Variants in EPHA7 observed in about 807,000 individuals in gnomAD.
EPHA7 encodes EPH receptor A7, also known as ephrin type-A receptor 7.
EPHA7 carries 25 observed loss-of-function variants against 112.6 expected under a neutral mutation model. That is an observed-to-expected ratio of 0.22 (90% CI 0.16 to 0.31). EPHA7 has a LOEUF of 0.31. Ranked by LOEUF, EPHA7 falls within the 10% of genes least tolerant of loss-of-function variation. EPHA7 has a pLI of 1.00. For synonymous variants in EPHA7, 437 were observed against 406.5 expected, an observed-to-expected ratio of 1.07 and a Z score of -0.90; for missense variants, 962 against 1,212.6, an observed-to-expected ratio of 0.79 and a Z score of 3.07.
rs1232627325 is a variant in EPHA7, at chr6:93,410,938, T to A, written c.395A>T (p.Tyr132Phe). The A allele has an allele frequency of 1.9e-6, 3 of 1,614,012 alleles. No individual in the cohort carries two copies. The South Asian group carries it at 3.3e-5, about 18-fold the overall frequency. Residue 132 changes from tyrosine (Y) to phenylalanine (F), a missense_variant, in exon 3 of 17, where the codon TAT becomes TTT. Around this residue, in one of 3 missense-constraint regions of EPHA7, gnomAD observed 160 missense variants for 263.6 expected, o/e 0.61. Transcript: ENST00000369303. The surrounding 1 kb of genome is among the most constrained non-coding windows in gnomAD (Gnocchi z 4.0). ...TFNLYYYETD[Y>F]DTGRNIRENL... ...TTCTCTTATATTCCTGCCAGTGTCA[T>A]AGTCTGTTTCATAATAGTACAAATT...
At chr6:93,248,138 CA>C (rs1770043644) in intron 14 of EPHA7, among the ~76,000 whole-genome samples, 1 of 151,722 alleles carries the variant, frequency 6.6e-6, no homozygotes, top group Non-Finnish European at 1.5e-5. Context: ...TTTGAATTTT[CA>C]AAGAAAATAA....
intron 3 of EPHA7, among the ~76,000 whole-genome samples, chr6:93,365,269 G>A (rs1163261173): frequency 6.6e-6 from 1 of 152,170 alleles, no homozygotes; most frequent in Admixed American, 6.5e-5. Flanking sequence ...TAAGTAGATT[G>A]TTCTGTAATT....
chr6:93,395,814 G>A (rs1029909700), intron 3 of EPHA7, among the ~76,000 whole-genome samples: 1 of 151,834 alleles, frequency 6.6e-6, no homozygotes, highest in African/African-American at 2.4e-5. Flanking sequence ...TGAAGAAGAT[G>A]GATGATCCTC....
At chr6:93,338,278 C>A (rs1364876226) in intron 5 of EPHA7, among the ~76,000 whole-genome samples, 13 of 152,048 alleles carry the variant, frequency 8.5e-5, no homozygotes. Context: ...CTTCAGCTTC[C>A]TAATTCTTGC....
intron 5 of EPHA7, among the ~76,000 whole-genome samples, chr6:93,316,496 G>A (rs1165879679): frequency 6.6e-6 from 1 of 152,000 alleles, no homozygotes; most frequent in Non-Finnish European, 1.5e-5. Flanking sequence ...ATTACATACT[G>A]CAATTATAGA....
At chr6:93,399,154 C>T (rs920702106) in intron 3 of EPHA7, among the ~76,000 whole-genome samples, 1 of 152,044 alleles carries the variant, frequency 6.6e-6, no homozygotes, top group African/African-American at 2.4e-5. Context: ...TCTGCTCCTG[C>T]ACAAATCTTC....
intron 14 of EPHA7, among the ~76,000 whole-genome samples, chr6:93,247,438 T>C (rs1321051158): frequency 6.6e-6 from 1 of 152,226 alleles, no homozygotes; most frequent in African/African-American, 2.4e-5. Context: ...ATGAATGTAC[T>C]ATGACAGAAA....
At chr6:93,416,327 TTTTTA>T (rs1218924462) in intron 1 of EPHA7, among the ~76,000 whole-genome samples, 1 of 152,200 alleles carries the variant, frequency 6.6e-6, no homozygotes, top group Non-Finnish European at 1.5e-5. Context: ...GCTTTCTTAA[TTTTTA>T]TTTTATTTTT....
chr6:93,254,869 AC>A, intron 13 of EPHA7, 73 bp from the exon 14 acceptor site: 5 of 1,288,242 alleles, frequency 3.9e-6, no homozygotes, highest in Non-Finnish European at 5.3e-6. Context: ...TACCATAAAT[AC>A]ATATGTGCAT....
At chr6:93,414,965 C>G (rs1453397355) in intron 1 of EPHA7, among the ~76,000 whole-genome samples, 198 bp from the exon 2 acceptor site, 1 of 151,848 alleles carries the variant, frequency 6.6e-6, no homozygotes. Context: ...GATATTAAGA[C>G]ACCAATATTA....
Position 93,364,249 on chromosome 6 carries a change from C to A in EPHA7, c.833-5838G>T, listed in dbSNP as rs1776395202. On this transcript the variant is annotated intron_variant, in intron 3 of 16. Coordinates refer to ENST00000369303, the MANE Select transcript of EPHA7 (RefSeq NM_004440.4). ...CATTATAAAATCCATCAGGGCCGGG[C>A]ACGGTGGCTCATGCCTGTAATCCCA... Among the ~76,000 whole-genome samples the A allele has an allele frequency of 2.6e-5, 4 of 152,076 alleles. No homozygotes were observed. In the South Asian group the frequency reaches 8.3e-4, roughly 32 times the overall value.
chr6:93,299,786 T>C (rs1772877367), intron 5 of EPHA7, among the ~76,000 whole-genome samples: 1 of 152,224 alleles, frequency 6.6e-6, no homozygotes, highest in African/African-American at 2.4e-5. Context: ...TGGAATACTA[T>C]GCAGCCGTAA....
At chr6:93,384,214 T>C (rs1480198783) in intron 3 of EPHA7, among the ~76,000 whole-genome samples, 2 of 152,140 alleles carry the variant, frequency 1.3e-5, no homozygotes, top group Non-Finnish European at 2.9e-5. Context: ...AAACACTAGT[T>C]CTACCTCCAT....
chr6:93,268,500 T>C (rs935978902), intron 7 of EPHA7, among the ~76,000 whole-genome samples: 1 of 151,806 alleles, frequency 6.6e-6, no homozygotes, highest in Non-Finnish European at 1.5e-5. Flanking sequence ...AGTCATATAA[T>C]ATTTTCCAAC....
rs1770489089 is a variant in EPHA7, at chr6:93,257,465, G to A, written c.2169C>T (p.Leu723=). ...FMENGALDAF[L]RKHDGQFTVI... ...AGTGGATCACTTTGGTACTTACCCT[G>A]AGAAATGCATCTAGGGCTCCATTTT... Residue 723 remains leucine, a synonymous_variant, in exon 12 of 17, where the codon CTC becomes CTT. Coordinates refer to ENST00000369303, the MANE Select transcript of EPHA7 (RefSeq NM_004440.4). 9 of 1,607,622 alleles carry A rather than the reference G, an allele frequency of 5.6e-6. No individual in the cohort carries two copies. The highest frequency in any genetic ancestry group is 1.7e-4 in the Middle Eastern group (1 of 5,942).
At chr6:93,305,598 C>G (rs925065965) in intron 5 of EPHA7, among the ~76,000 whole-genome samples, 1 of 151,806 alleles carries the variant, frequency 6.6e-6, no homozygotes, top group Non-Finnish European at 1.5e-5. Context: ...CTGAGTGTGG[C>G]TTTCTTTTTC....
chr6:93,333,953 T>A (rs1007266319), intron 5 of EPHA7, among the ~76,000 whole-genome samples: 23 of 151,922 alleles, frequency 1.5e-4, no homozygotes, highest in Admixed American at 1.4e-3. Flanking sequence ...CATTTCAAAA[T>A]TCATATGAAC....
At chr6:93,367,658 T>C (rs555354472) in intron 3 of EPHA7, among the ~76,000 whole-genome samples, 17 of 152,238 alleles carry the variant, frequency 1.1e-4, no homozygotes, top group South Asian at 4.1e-4. Flanking sequence ...GCTCTCCTAG[T>C]ACGTATTCAC....
At chr6:93,371,738 C>T (rs1255030012) in intron 3 of EPHA7, among the ~76,000 whole-genome samples, 3 of 152,064 alleles carry the variant, frequency 2.0e-5, no homozygotes, top group African/African-American at 7.2e-5. Context: ...ATTAATGGTG[C>T]TATAAACGAA....
Sources: gnomAD v4.1 joint callset for allele counts (sites outside exome capture counted in the v4.1 genomes callset) on GRCh38, gnomAD v4.1.1 for gene constraint, gnomAD v4.1.1 regional missense constraint, Gnocchi (gnomAD v3.1) non-coding constraint, MANE v1.5 for transcripts, NCBI Gene and HGNC (gene_info 2026-07-23, HGNC 2026-07-21) for gene names.